The following DOCK3 variants were observed in gnomAD, a reference collection of about 807,000 sequenced individuals.
DOCK3 encodes the protein dedicator of cytokinesis protein 3.
Under a neutral mutation model 265.6 loss-of-function variants are expected in DOCK3, and 60 were observed. The ratio of observed to expected loss-of-function variants is 0.23; its 90% CI spans 0.18 to 0.28. The LOEUF (loss-of-function observed/expected upper bound fraction) is 0.28. Ranked by LOEUF, DOCK3 falls within the 10% of genes least tolerant of loss-of-function variation. The probability of loss-of-function intolerance (pLI) is 1.00; values close to 1 mark genes in which losing one functional copy is unlikely to be tolerated. For synonymous variants in DOCK3, 881 were observed against 938.0 expected (o/e 0.94, Z 1.11); for missense variants, 1,981 against 2,594.3 (o/e 0.76, Z 5.14).
At chr3:50,954,413 C>CTA (rs1392029654) in intron 5 of DOCK3, among the ~76,000 whole-genome samples, 1 of 152,110 alleles carries the variant, frequency 6.6e-6, no homozygotes, top group African/African-American at 2.4e-5. Flanking sequence ...GGTTTAAATC[C>CTA]TATCTAGGTC....
chr3:51,227,464 CCT>C lies in DOCK3; in HGVS notation c.1540+21_1540+22del. On this transcript the variant is annotated intron_variant, in intron 16 of 52. Coordinates refer to ENST00000266037, the MANE Select transcript of DOCK3 (RefSeq NM_004947.5). ...TGTTCCAGTGAGTTAGACTTCCCCC[CCT>C]CCACATTCCCTTGAGAATATAAATA... 6.2e-7 allele frequency: 1 copy of C among 1,613,426 alleles called. No homozygotes were observed. Among genetic ancestry groups the C allele is most frequent in the Non-Finnish European group, 8.5e-7 (1 of 1,179,562 alleles).
Position 50,942,605 on chromosome 3 carries a change from TACTTA to T in DOCK3, c.315+8533_315+8537del, listed in dbSNP as rs1202207085. 2.6e-5 allele frequency among the ~76,000 whole-genome samples: 4 copies of T among 152,168 alleles called. No homozygotes were observed. In the South Asian group the frequency reaches 6.2e-4, roughly 24 times the overall value. On this transcript the variant is annotated intron_variant, in intron 5 of 52. Transcript: ENST00000266037. ...GAGTTAACATAAGAGGGTCTGAATT[TACTTA>T]ACTTGGCTGTAGTTTAGAAACTGAT...
At chr3:51,164,432 C>A (rs928303954) in intron 12 of DOCK3, among the ~76,000 whole-genome samples, 1 of 152,048 alleles carries the variant, frequency 6.6e-6, no homozygotes, top group African/African-American at 2.4e-5. Flanking sequence ...ACCATCCTGG[C>A]TAACACGGTG....
intron 1 of DOCK3, among the ~76,000 whole-genome samples, chr3:50,720,438 G>C (rs2037405272): frequency 6.6e-6 from 1 of 152,148 alleles, no homozygotes; most frequent in Non-Finnish European, 1.5e-5. Flanking sequence ...ATGGCCTCCA[G>C]CTCCATCCAT....
chr3:50,813,055 A>G (rs1034593819), intron 2 of DOCK3, among the ~76,000 whole-genome samples: 1 of 152,216 alleles, frequency 6.6e-6, no homozygotes, highest in Non-Finnish European at 1.5e-5. Context: ...TACAAAAGCC[A>G]TTGATCTGGA....
At chr3:50,894,497 G>A (rs2048799598) in intron 4 of DOCK3, among the ~76,000 whole-genome samples, 1 of 151,946 alleles carries the variant, frequency 6.6e-6, no homozygotes, top group African/African-American at 2.4e-5. Flanking sequence ...ACAAAATGAT[G>A]CTATACAGCA....
At chr3:50,930,153 T>C (rs551654174) in intron 4 of DOCK3, among the ~76,000 whole-genome samples, 460 of 152,366 alleles carry the variant, frequency 3.0e-3, no homozygotes, top group African/African-American at 0.011. Flanking sequence ...TTTATAGATC[T>C]TAATGATTAA....
At chr3:50,849,290 C>G (rs973959958) in intron 3 of DOCK3, among the ~76,000 whole-genome samples, 2 of 152,018 alleles carry the variant, frequency 1.3e-5, no homozygotes, top group African/African-American at 4.8e-5. Context: ...CTTCCTCAGC[C>G]TCCCAAAGTG....
At chr3:51,095,981 T>A (rs2082841439) in intron 9 of DOCK3, among the ~76,000 whole-genome samples, 1 of 149,054 alleles carries the variant, frequency 6.7e-6, no homozygotes. Context: ...TGCAGAGAGA[T>A]CCACTGTTAG....
chr3:50,927,188 T>G (rs952751315), intron 4 of DOCK3, among the ~76,000 whole-genome samples: 34 of 152,288 alleles, frequency 2.2e-4, no homozygotes, highest in African/African-American at 7.7e-4. Context: ...TGAAATCTTC[T>G]CAGTGAAACA....
intron 16 of DOCK3, 47 bp from the exon 17 acceptor site, chr3:51,227,935 A>G: frequency 6.4e-7 from 1 of 1,573,324 alleles, no homozygotes; most frequent in Non-Finnish European, 8.7e-7. Context: ...TCCATGAGGA[A>G]GCAGAGTGGA....
At chr3:51,107,504 A>G (rs1308828045) in intron 9 of DOCK3, among the ~76,000 whole-genome samples, 1 of 152,260 alleles carries the variant, frequency 6.6e-6, no homozygotes, top group Non-Finnish European at 1.5e-5. Context: ...TAGCCAGTAT[A>G]GAAAAGAACA....
At chr3:51,024,236 G>A (rs1162631427) in intron 5 of DOCK3, among the ~76,000 whole-genome samples, 1 of 152,150 alleles carries the variant, frequency 6.6e-6, no homozygotes, top group African/African-American at 2.4e-5. Context: ...CCAGTTCACT[G>A]TCTCCTATTG....
intron 1 of DOCK3, among the ~76,000 whole-genome samples, chr3:50,746,109 AT>A (rs562706919): frequency 7.9e-4 from 107 of 135,450 alleles, no homozygotes; most frequent in African/African-American, 1.6e-3. Flanking sequence ...ATGATGTCTA[AT>A]TTTTTTTTTT....
At chr3:51,356,009 C>T (rs2086335347) in intron 41 of DOCK3, 80 bp from the exon 42 acceptor site, 1 of 1,571,184 alleles carries the variant, frequency 6.4e-7, no homozygotes, top group Admixed American at 1.7e-5. Context: ...GTGCACTTCT[C>T]CCCTTTGAGG....
chr3:51,338,928 A>G lies in DOCK3; in HGVS notation c.3673-7A>G. 6.3e-7 allele frequency: 1 copy of G among 1,594,520 alleles called. No homozygotes were observed. The highest frequency in any genetic ancestry group is 8.6e-7 in the Non-Finnish European group (1 of 1,169,576). On this transcript the variant is annotated splice_region_variant and splice_polypyrimidine_tract_variant and intron_variant, in intron 36 of 52. Transcript: ENST00000266037. ...AGTTGACAGGTGTTTCCTTCTCTTTATTGTAGAATTTTTACAAATCTGAGA... is the reference window on the plus strand; with the variant it reads ...AGTTGACAGGTGTTTCCTTCTCTTTGTTGTAGAATTTTTACAAATCTGAGA...
intron 27 of DOCK3, among the ~76,000 whole-genome samples, chr3:51,295,154 G>A (rs1161565759): frequency 2.6e-5 from 4 of 152,294 alleles, no homozygotes; most frequent in South Asian, 4.1e-4. Context: ...ACCTGAGGCT[G>A]ATTAGTTTAT....
intron 44 of DOCK3, 103 bp from the exon 45 acceptor site, chr3:51,357,655 C>A: frequency 9.1e-7 from 1 of 1,100,738 alleles, no homozygotes; most frequent in Non-Finnish European, 1.4e-6. Flanking sequence ...GAGGAGACAG[C>A]CTGGCTGCTT....
rs1317622943 is a variant in DOCK3, at chr3:50,951,195, A to T, written c.315+17118A>T. On this transcript the variant is annotated intron_variant, in intron 5 of 52. Transcript: ENST00000266037. ...TTGATATCCTCATTTAGCATTGGTG[A>T]GTCTCACACCTAGGAAGTAACTAAA... 3.9e-5 allele frequency among the ~76,000 whole-genome samples: 6 copies of T among 152,260 alleles called. No homozygotes were observed. In the South Asian group the frequency reaches 6.2e-4, roughly 16 times the overall value.
Sources: gnomAD v4.1 joint callset for allele counts (sites outside exome capture counted in the v4.1 genomes callset) on GRCh38, gnomAD v4.1.1 for gene constraint, MANE v1.5 for transcripts, NCBI Gene and HGNC (gene_info 2026-07-23, HGNC 2026-07-21) for gene names.